The following ARHGAP28 variants were observed in gnomAD, a reference collection of about 807,000 sequenced individuals.
ARHGAP28 encodes rho GTPase-activating protein 28.
In ARHGAP28, 56 loss-of-function variants were observed where a neutral mutation model predicts 90.7. That is an observed-to-expected ratio of 0.62 (90% CI 0.50 to 0.77). The LOEUF is 0.77. ARHGAP28 is among the 30% of genes least tolerant of loss of function. The pLI is 0.00. For synonymous variants in ARHGAP28, 308 were observed against 323.3 expected, an observed-to-expected ratio of 0.95 and a Z score of 0.51; for missense variants, 869 against 900.9, an observed-to-expected ratio of 0.96 and a Z score of 0.45.
At chr18:6,871,746 C>G (rs148206269) in intron 7 of ARHGAP28, among the ~76,000 whole-genome samples, 118 of 152,210 alleles carry the variant, frequency 7.8e-4, no homozygotes, top group African/African-American at 2.6e-3. Context: ...CATGCAGAAA[C>G]AGACTTTTTG....
In ARHGAP28 at chr18:6,890,536, A is replaced by G. The variant is rs1310105160; in HGVS notation, c.1841A>G (p.Glu614Gly). The G allele has an allele frequency of 1.9e-6, 3 of 1,607,368 alleles. No individual in the cohort carries two copies. The highest frequency in any genetic ancestry group is 1.3e-5 in the African/African-American group (1 of 74,674). ...AAGCTGCTCAGGAGGAAGACCCTCG[A>G]GCGGGAGGTAAGACAGCAAATGAGG... is the stretch of plus-strand genomic sequence containing the variant. ...VRKLLRRKTLERETASPKTSK... is the reference protein window; with the variant it reads ...VRKLLRRKTLGRETASPKTSK... The change falls in exon 14 of 18, where the codon GAG becomes GGG. Residue 614 changes from glutamate to glycine, a missense_variant. By Grantham distance (98) the Glu-to-Gly change is moderately conservative (BLOSUM62 -2). Transcript: ENST00000383472.
intron 1 of ARHGAP28, among the ~76,000 whole-genome samples, chr18:6,756,818 G>A (rs1309036431): frequency 2.0e-5 from 3 of 152,132 alleles, no homozygotes; most frequent in African/African-American, 4.8e-5. Context: ...GGAATCTAAC[G>A]TTCAAGGGCA....
intron 1 of ARHGAP28, among the ~76,000 whole-genome samples, chr18:6,820,496 TG>T: frequency 6.6e-6 from 1 of 152,134 alleles, no homozygotes; most frequent in East Asian, 1.9e-4. Context: ...GAAGAAATAT[TG>T]GAAGAGAAAA....
At chr18:6,785,943 A>G (rs2056361582) in intron 1 of ARHGAP28, among the ~76,000 whole-genome samples, 1 of 152,232 alleles carries the variant, frequency 6.6e-6, no homozygotes, top group African/African-American at 2.4e-5. Context: ...TGTTACATGT[A>G]TGAGGTATGT....
At position 6,870,742 on chromosome 18, in the gene ARHGAP28, A is replaced by G; in HGVS notation, c.954+10A>G. On this transcript the variant is annotated intron_variant, in intron 7 of 17. Coordinates refer to ENST00000383472, the MANE Select transcript of ARHGAP28 (RefSeq NM_001366230.1). ...AGACTATGTTTTAACTGTAAGCAAAACCTTTCATGATTATTCCAGGAACTT... is the reference window on the plus strand; with the variant it reads ...AGACTATGTTTTAACTGTAAGCAAAGCCTTTCATGATTATTCCAGGAACTT... 1.3e-6 allele frequency: 2 copies of G among 1,586,448 alleles called. No individual in the cohort carries two copies. The highest frequency in any genetic ancestry group is 1.7e-6 in the Non-Finnish European group (2 of 1,172,086).
At chr18:6,829,210 A>C (rs1417531450) in intron 2 of ARHGAP28, among the ~76,000 whole-genome samples, 4 of 152,180 alleles carry the variant, frequency 2.6e-5, no homozygotes, top group Admixed American at 2.6e-4. Context: ...GAAAATCCCT[A>C]TCATCCCTTA....
At chr18:6,872,822 A>G (rs1382193531) in intron 7 of ARHGAP28, among the ~76,000 whole-genome samples, 2 of 152,018 alleles carry the variant, frequency 1.3e-5, no homozygotes, top group Non-Finnish European at 1.5e-5. Flanking sequence ...CTTTCTCTGT[A>G]TTTGCTTTTT....
Position 6,824,812 on chromosome 18 carries a change from C to A in ARHGAP28, c.173C>A (p.Ser58Tyr). 1 of 1,536,428 alleles carries A rather than the reference C, an allele frequency of 6.5e-7. No individual in the cohort carries two copies. The highest frequency in any genetic ancestry group is 8.7e-7 in the Non-Finnish European group (1 of 1,146,964). Reference sequence around the variant, plus strand: ...ATTAACAGGATGCTCTCCAATGAATCCCTCCATCCTCCTGCCTTCAGCCGT... The same window carrying A: ...ATTAACAGGATGCTCTCCAATGAATACCTCCATCCTCCTGCCTTCAGCCGT... Reference protein sequence around the residue: ...RRINRMLSNESLHPPAFSRSN... With the variant: ...RRINRMLSNEYLHPPAFSRSN... Residue 58 changes from serine (S) to tyrosine (Y), a missense_variant, in exon 2 of 18, where the codon TCC (serine) becomes TAC (tyrosine). Transcript: ENST00000383472.
intron 1 of ARHGAP28, among the ~76,000 whole-genome samples, chr18:6,802,543 A>C (rs1160991624): frequency 1.3e-5 from 2 of 151,548 alleles, no homozygotes; most frequent in African/African-American, 4.8e-5. Context: ...ACGGGGTTTC[A>C]CCACATTGGC....
At position 6,891,667 on chromosome 18, in the gene ARHGAP28, A is replaced by C. The variant is rs985165610; in HGVS notation, c.1848+1124A>C. Among the ~76,000 whole-genome samples, 9 of 151,784 alleles carry C rather than the reference A, an allele frequency of 5.9e-5. 1 individual carries two copies. The highest frequency in any genetic ancestry group is 1.3e-4 in the Non-Finnish European group (9 of 67,958). On this transcript the variant is annotated intron_variant, in intron 14 of 17. Transcript: ENST00000383472. ...CAGTGGCATGATCATAGCTCACTGC[A>C]ACCTCGAACTCCTGGGCTCAAGTGA...
intron 4 of ARHGAP28, among the ~76,000 whole-genome samples, chr18:6,853,701 C>T (rs1452556800): frequency 6.6e-6 from 1 of 152,084 alleles, no homozygotes; most frequent in Non-Finnish European, 1.5e-5. Context: ...GCTCAAACTC[C>T]TGACCTTAGG....
chr18:6,882,368 T>C, intron 11 of ARHGAP28, 69 bp downstream of exon 11: 1 of 1,460,624 alleles, frequency 6.8e-7, no homozygotes, highest in Non-Finnish European at 9.3e-7. Flanking sequence ...AGAAGAGAGA[T>C]GCTGAATCAA....
intron 1 of ARHGAP28, among the ~76,000 whole-genome samples, chr18:6,734,404 C>T (rs1238745443): frequency 2.0e-5 from 3 of 151,720 alleles, no homozygotes; most frequent in Admixed American, 6.6e-5. Context: ...ATAAACTTCC[C>T]GAGAGAGGAC....
chr18:6,900,468 T>TA (rs2057332523), intron 16 of ARHGAP28, among the ~76,000 whole-genome samples: 1 of 152,160 alleles, frequency 6.6e-6, no homozygotes, highest in Non-Finnish European at 1.5e-5. Flanking sequence ...AGATGTTCTT[T>TA]AAAAATACAA....
chr18:6,796,096 T>C (rs2056439754), intron 1 of ARHGAP28, among the ~76,000 whole-genome samples: 1 of 152,182 alleles, frequency 6.6e-6, no homozygotes, highest in South Asian at 2.1e-4. Flanking sequence ...TTATTCCAAA[T>C]ATTTAATAAC....
intron 17 of ARHGAP28, among the ~76,000 whole-genome samples, chr18:6,909,693 T>G (rs1393640226): frequency 2.0e-5 from 3 of 152,148 alleles, no homozygotes; most frequent in Non-Finnish European, 4.4e-5. Flanking sequence ...ATGACACCAT[T>G]TTGATTAACT....
At chr18:6,827,409 G>T (rs1380720703) in intron 2 of ARHGAP28, among the ~76,000 whole-genome samples, 1 of 144,648 alleles carries the variant, frequency 6.9e-6, no homozygotes, top group African/African-American at 2.6e-5. Context: ...CTGGCCGGGA[G>T]GGGGGTTGAC....
intron 16 of ARHGAP28, 136 bp downstream of exon 16, chr18:6,896,762 C>T (rs2143786236): frequency 6.9e-6 from 7 of 1,013,244 alleles, no homozygotes; most frequent in South Asian, 3.9e-5. Flanking sequence ...CAGTGGATTA[C>T]GAGAATAAAA....
chr18:6,750,800 GAATTT>G (rs2056062713), intron 1 of ARHGAP28, among the ~76,000 whole-genome samples: 1 of 152,124 alleles, frequency 6.6e-6, no homozygotes, highest in Non-Finnish European at 1.5e-5. Flanking sequence ...ACCAACACAT[GAATTT>G]GGGGATTAAC....
Sources: allele counts gnomAD v4.1 joint callset (sites outside exome capture counted in the v4.1 genomes callset), GRCh38; gene constraint gnomAD v4.1.1; transcripts MANE v1.5; gene names NCBI Gene and HGNC (gene_info 2026-07-23, HGNC 2026-07-21).